Variants in CA8 observed in about 807,000 individuals in gnomAD.
CA8 encodes the protein carbonic anhydrase 8 (inactive).
CA8 carries 22 observed loss-of-function variants against 41.4 expected under a neutral mutation model. The ratio of observed to expected loss-of-function variants is 0.53; its 90% CI spans 0.38 to 0.76. The LOEUF (loss-of-function observed/expected upper bound fraction) is 0.76. CA8 is among the 30% of genes least tolerant of loss of function. CA8 has a pLI of 0.00. For synonymous variants in CA8, 121 were observed against 130.6 expected (o/e 0.93, Z 0.50); for missense variants, 270 against 352.8 (o/e 0.77, Z 1.88).
intron 7 of CA8, among the ~76,000 whole-genome samples, chr8:60,222,400 T>C (rs1585869924): frequency 6.6e-6 from 1 of 152,304 alleles, no homozygotes; most frequent in East Asian, 1.9e-4. Flanking sequence ...TAATAAAAAG[T>C]TTTGCTCTTT....
chr8:60,265,094 C>T (rs975808048), intron 3 of CA8: 3 of 152,166 alleles, frequency 2.0e-5, no homozygotes, highest in Non-Finnish European at 4.4e-5. Flanking sequence ...CTAGAAATAA[C>T]ATCAAGACGT....
In CA8 at chr8:60,187,700, G is replaced by A. The variant is rs941415829; in HGVS notation, c.*2321C>T. ...CAGGTACGTTAGTTACCATGAATCA[G>A]AGGCACTTACATGTGTATAAGCTAC... On this transcript the variant is annotated 3_prime_UTR_variant, in exon 9 of 9. Transcript: ENST00000317995. The A allele has an allele frequency of 2.0e-5, 3 of 152,176 alleles. No homozygotes were observed. The highest frequency in any genetic ancestry group is 6.5e-5 in the Admixed American group (1 of 15,278). The allele number at this position is 152,176 out of a possible 1,614,324, so 9.4% of individuals were successfully genotyped here.
intron 3 of CA8, among the ~76,000 whole-genome samples, chr8:60,257,300 C>T (rs1006215772): frequency 6.6e-6 from 1 of 152,154 alleles, no homozygotes; most frequent in Non-Finnish European, 1.5e-5. Flanking sequence ...TTGCATCCCC[C>T]TCAGGATGTT....
intron 3 of CA8, among the ~76,000 whole-genome samples, chr8:60,258,438 T>C (rs1375229534): frequency 6.6e-6 from 1 of 152,182 alleles, no homozygotes; most frequent in Non-Finnish European, 1.5e-5. Flanking sequence ...TCCTCCACAG[T>C]TAAGGGGGTA....
chr8:60,274,491 T>C (rs1804166307), intron 2 of CA8, among the ~76,000 whole-genome samples: 1 of 152,170 alleles, frequency 6.6e-6, no homozygotes, highest in Non-Finnish European at 1.5e-5. Context: ...ATGCTATGGT[T>C]TGAATGCCTG....
chr8:60,261,677 G>A (rs992805817), intron 3 of CA8, among the ~76,000 whole-genome samples: 1 of 152,130 alleles, frequency 6.6e-6, no homozygotes, highest in African/African-American at 2.4e-5. Flanking sequence ...ATAAAATGAT[G>A]AAGACAGCAG....
chr8:60,234,173 C>T (rs540915954), intron 3 of CA8, among the ~76,000 whole-genome samples: 36 of 152,256 alleles, frequency 2.4e-4, no homozygotes, highest in Admixed American at 5.9e-4. Flanking sequence ...ACAAGAAAAA[C>T]ATCAGACAAA....
At chr8:60,236,208 A>C (rs530820408) in intron 3 of CA8, among the ~76,000 whole-genome samples, 57 of 152,356 alleles carry the variant, frequency 3.7e-4, no homozygotes, top group African/African-American at 1.3e-3. Context: ...TTAAGAGCAC[A>C]GACTGAGGTC....
rs1463573417 is a variant in CA8 at position 60,192,268 on chromosome 8, C to T, written c.*36-2283G>A. Reference sequence around the variant, plus strand: ...GAATGAGGGAGAACCAAGTCCAAATCCCAGCTCTTCTATCCAATTTGCTGT... The same window carrying T: ...GAATGAGGGAGAACCAAGTCCAAATTCCAGCTCTTCTATCCAATTTGCTGT... On this transcript the variant is annotated intron_variant, in intron 8 of 8. Coordinates refer to ENST00000317995, the MANE Select transcript of CA8 (RefSeq NM_004056.6). 2.6e-5 allele frequency among the ~76,000 whole-genome samples: 4 copies of T among 152,100 alleles called. No homozygotes were observed. In the South Asian group the frequency reaches 8.3e-4, roughly 31 times the overall value.
At chr8:60,190,879 T>G (rs573891484) in intron 8 of CA8, among the ~76,000 whole-genome samples, 112 of 148,376 alleles carry the variant, frequency 7.5e-4, no homozygotes, top group African/African-American at 2.5e-3. Flanking sequence ...TATGCAGTAT[T>G]TCAGAATTAT....
intron 8 of CA8, among the ~76,000 whole-genome samples, chr8:60,193,834 C>T (rs1487648486): frequency 1.3e-5 from 2 of 152,110 alleles, no homozygotes; most frequent in African/African-American, 4.8e-5. Context: ...TTTATGCTCA[C>T]GAGTTCTGGG....
intron 3 of CA8, chr8:60,264,847 C>T (rs753393672): frequency 1.3e-5 from 2 of 152,154 alleles, no homozygotes; most frequent in Non-Finnish European, 2.9e-5. Context: ...TGCTGTCAAA[C>T]ACTTCAACAG....
intron 3 of CA8, among the ~76,000 whole-genome samples, chr8:60,234,428 C>T (rs1807761068): frequency 6.6e-6 from 1 of 152,090 alleles, no homozygotes; most frequent in African/African-American, 2.4e-5. Context: ...AGTATTGGTC[C>T]ATTAATTGTA....
At chr8:60,257,946 G>T (rs1486682736) in intron 3 of CA8, among the ~76,000 whole-genome samples, 1 of 152,196 alleles carries the variant, frequency 6.6e-6, no homozygotes, top group Non-Finnish European at 1.5e-5. Flanking sequence ...ACACAGTTTT[G>T]CTTTCCGTGG....
intron 3 of CA8, among the ~76,000 whole-genome samples, chr8:60,251,568 C>T (rs1367615970): frequency 6.6e-6 from 1 of 152,180 alleles, no homozygotes; most frequent in Non-Finnish European, 1.5e-5. Flanking sequence ...TGCTCAAAAT[C>T]GCAGTTCATG....
chr8:60,200,920 G>T (rs561028551), intron 8 of CA8, among the ~76,000 whole-genome samples: 1 of 151,414 alleles, frequency 6.6e-6, no homozygotes, highest in Non-Finnish European at 1.5e-5. Flanking sequence ...TTATTATCTT[G>T]TATTTAATCT....
rs1042201487 is a variant in CA8 at position 60,230,378 on chromosome 8, GA to G, written c.513+1905del. 8.9e-4 allele frequency among the ~76,000 whole-genome samples: 134 copies of G among 150,444 alleles called. 1 individual carries two copies. The highest frequency in any genetic ancestry group is 3.1e-3 in the African/African-American group (127 of 41,024). The stretch of plus-strand genomic sequence containing the variant: ...TCTGCAATAGCTCTTATTGCTCAGG[GA>G]AAAAAAAATACTACATGCAGATCTC... On this transcript the variant is annotated intron_variant, in intron 4 of 8. Transcript: ENST00000317995.
chr8:60,268,117 G>A (rs896367943), intron 2 of CA8, among the ~76,000 whole-genome samples: 2 of 152,084 alleles, frequency 1.3e-5, no homozygotes, highest in Admixed American at 1.3e-4. Flanking sequence ...TGGGACCCAA[G>A]GCCTCAACAG....
chr8:60,264,277 C>T (rs1344540419), intron 3 of CA8, among the ~76,000 whole-genome samples: 2 of 152,208 alleles, frequency 1.3e-5, no homozygotes, highest in Non-Finnish European at 2.9e-5. Context: ...GTTCTCGCCT[C>T]CCCATTTACA....
Sources: allele counts gnomAD v4.1 joint callset (sites outside exome capture counted in the v4.1 genomes callset), GRCh38; gene constraint gnomAD v4.1.1; transcripts MANE v1.5; gene names NCBI Gene and HGNC (gene_info 2026-07-23, HGNC 2026-07-21).